The following TJP1 variants were observed in gnomAD, a reference collection of about 807,000 sequenced individuals.
TJP1 encodes tight junction protein 1, also known as tight junction protein ZO-1.
In TJP1, 43 loss-of-function variants were observed where a neutral mutation model predicts 194.2. That is an observed-to-expected ratio of 0.22 (90% CI 0.17 to 0.29). The LOEUF is 0.29. TJP1 is among the 10% of genes least tolerant of loss of function. The pLI, the probability that TJP1 is intolerant of heterozygous loss-of-function variation, is 1.00. For synonymous variants in TJP1, 801 were observed against 779.0 expected (o/e 1.03, Z -0.47); for missense variants, 1,971 against 2,185.7 (o/e 0.90, Z 1.96).
In TJP1 at chr15:29,704,203, T is replaced by C. The variant is rs1412165190; in HGVS notation, c.5171A>G (p.Asp1724Gly). The C allele has an allele frequency of 6.3e-7, 1 of 1,581,136 alleles. No individual in the cohort carries two copies. Among genetic ancestry groups the C allele is most frequent in the East Asian group, 2.3e-5 (1 of 43,938 alleles). Residue 1724 changes from aspartate to glycine, a missense_variant, in exon 27 of 28, where the codon GAC becomes GGC. Asp to Gly is a moderately conservative substitution (Grantham distance 94, BLOSUM62 -1). Transcript: ENST00000614355. Reference sequence around the variant, plus strand: ...TGATTTTAGAGCAAAAGACCAACCGTCAGGAGTCATGGACGCACAGTGTGG... The same window carrying C: ...TGATTTTAGAGCAAAAGACCAACCGCCAGGAGTCATGGACGCACAGTGTGG... ...RLPHCASMTP[D>G]GWSFALKSSD...
At position 29,726,370 on chromosome 15, in the gene TJP1, A is replaced by G. The variant is rs761572213; in HGVS notation, c.2412+9T>C. The G allele has an allele frequency of 6.2e-7, 1 of 1,611,658 alleles. No homozygotes were observed. The highest frequency in any genetic ancestry group is 8.5e-7 in the Non-Finnish European group (1 of 1,177,986). The stretch of plus-strand genomic sequence containing the variant: ...GAACAAGTCAAAAAAGTAATAGGAA[A>G]TGTCTTACCTTTCCCTCGGAAACCC... On this transcript the variant is annotated intron_variant, in intron 18 of 27. Transcript: ENST00000614355.
intron 1 of TJP1, among the ~76,000 whole-genome samples, chr15:29,959,583 C>G (rs1243053422): frequency 6.6e-6 from 1 of 152,170 alleles, no homozygotes; most frequent in Non-Finnish European, 1.5e-5. Flanking sequence ...GGCAGCTTCT[C>G]TTGCAAGTCA....
At chr15:29,719,340 G>A (rs2042788546) in intron 20 of TJP1, among the ~76,000 whole-genome samples, 1 of 152,104 alleles carries the variant, frequency 6.6e-6, no homozygotes, top group Admixed American at 6.5e-5. Flanking sequence ...GGGCTTTTAT[G>A]TTTCAGCATG....
intron 2 of TJP1, among the ~76,000 whole-genome samples, chr15:29,949,769 TCCA>T (rs1487877608): frequency 8.4e-3 from 323 of 38,328 alleles, no homozygotes; most frequent in Admixed American, 0.011. Flanking sequence ...CACCACTACC[TCCA>T]CCACCTCCAC....
At chr15:29,741,904 T>A (rs2044447917) in intron 9 of TJP1, among the ~76,000 whole-genome samples, 1 of 152,156 alleles carries the variant, frequency 6.6e-6, no homozygotes, top group African/African-American at 2.4e-5. Context: ...TTGCTGATTC[T>A]GTTTTGTCTT....
intron 24 of TJP1, among the ~76,000 whole-genome samples, chr15:29,710,538 A>T (rs1457646140): frequency 1.3e-5 from 2 of 152,204 alleles, no homozygotes; most frequent in Non-Finnish European, 2.9e-5. Context: ...TGTGAGATAA[A>T]ACATAGTAGG....
At chr15:29,961,490 CTTAATTCCATT>C (rs2056161784) in intron 1 of TJP1, among the ~76,000 whole-genome samples, 1 of 152,148 alleles carries the variant, frequency 6.6e-6, no homozygotes, top group Non-Finnish European at 1.5e-5. Flanking sequence ...TTTCCTAATT[CTTAATTCCATT>C]TTATCCTCCC....
At chr15:29,759,897 T>C (rs1161883045) in intron 8 of TJP1, 3 of 312,946 alleles carry the variant, frequency 9.6e-6, no homozygotes, top group Admixed American at 9.8e-5. Context: ...ATACCTTGGC[T>C]ATTGTGAATA....
At chr15:29,710,773 C>T (rs2042190942) in intron 24 of TJP1, 58 bp downstream of exon 24, 3 of 1,606,574 alleles carry the variant, frequency 1.9e-6, no homozygotes, top group Admixed American at 1.7e-5. Context: ...CTAGAAACCA[C>T]CAGAATTTTA....
chr15:29,700,312 A>G lies in TJP1; in HGVS notation c.*1283T>C. 1 of 398,994 alleles carries G rather than the reference A, an allele frequency of 2.5e-6. No homozygotes were observed. Among genetic ancestry groups the G allele is most frequent in the Non-Finnish European group, 4.4e-6 (1 of 226,042 alleles). 24.7% of individuals were successfully genotyped at this position (398,994 alleles called of 1,614,324 possible). ...TAATAAATTGTCTATTAGTAAAAAA[A>G]TACACTTTAGGGCACAGCATTGTAT... On this transcript the variant is annotated 3_prime_UTR_variant, in exon 28 of 28. Coordinates refer to ENST00000614355, the MANE Select transcript of TJP1 (RefSeq NM_001330239.4).
At chr15:29,802,755 A>C (rs951423700) in intron 1 of TJP1, among the ~76,000 whole-genome samples, 1 of 152,216 alleles carries the variant, frequency 6.6e-6, no homozygotes, top group African/African-American at 2.4e-5. Flanking sequence ...AAGAATGAGA[A>C]CTGCTTGCAT....
intron 1 of TJP1, among the ~76,000 whole-genome samples, chr15:29,816,150 C>G (rs1325250495): frequency 2.0e-5 from 3 of 152,056 alleles, no homozygotes; most frequent in African/African-American, 7.2e-5. Context: ...GCCTCAGCCT[C>G]CCAAGTAGCT....
intron 2 of TJP1, among the ~76,000 whole-genome samples, chr15:29,902,009 T>C (rs2053649704): frequency 1.3e-5 from 2 of 152,044 alleles, no homozygotes; most frequent in Admixed American, 1.3e-4. Flanking sequence ...TAGAATAATA[T>C]GAAAAAAGAA....
intron 2 of TJP1, among the ~76,000 whole-genome samples, chr15:29,884,509 G>A (rs1293517436): frequency 6.6e-6 from 1 of 152,152 alleles, no homozygotes; most frequent in Non-Finnish European, 1.5e-5. Flanking sequence ...AGATAGAGTA[G>A]CAGAGGTAGG....
intron 1 of TJP1, among the ~76,000 whole-genome samples, chr15:29,810,691 C>CA (rs911590432): frequency 3.9e-4 from 59 of 152,254 alleles, no homozygotes; most frequent in South Asian, 1.9e-3. Context: ...AAGGGGTACA[C>CA]AGAGTTTAAA....
chr15:29,753,707 G>C (rs1251511611), intron 8 of TJP1, among the ~76,000 whole-genome samples: 1 of 151,658 alleles, frequency 6.6e-6, no homozygotes, highest in African/African-American at 2.4e-5. Flanking sequence ...GTAAGGTACA[G>C]GAGCCATGGG....
intron 2 of TJP1, among the ~76,000 whole-genome samples, chr15:29,798,270 GTTTTTT>G (rs59427685): frequency 1.4e-5 from 2 of 144,744 alleles, no homozygotes; most frequent in African/African-American, 2.5e-5. Flanking sequence ...TGTGCCCAGC[GTTTTTT>G]TTTTTTTTTC....
chr15:29,836,760 G>T (rs186111543), intron 2 of TJP1, among the ~76,000 whole-genome samples: 58 of 152,284 alleles, frequency 3.8e-4, no homozygotes, highest in African/African-American at 1.3e-3. Flanking sequence ...TCATGAATGA[G>T]ATTACTGACC....
In TJP1 at chr15:29,766,251, G is replaced by A. The variant is rs755100072; in HGVS notation, c.589+15C>T. The A allele has an allele frequency of 6.2e-7, 1 of 1,603,092 alleles. No individual in the cohort carries two copies. Among genetic ancestry groups the A allele is most frequent in the Admixed American group, 1.7e-5 (1 of 57,406 alleles). ...TTTTCATGTGAAAAAAACAGCAAGA[G>A]TTGGCAGAGAATACCTTCATTTTTC... is the stretch of plus-strand genomic sequence containing the variant. On this transcript the variant is annotated intron_variant, in intron 5 of 27. Transcript: ENST00000614355.
Sources: allele counts gnomAD v4.1 joint callset (sites outside exome capture counted in the v4.1 genomes callset), GRCh38; gene constraint gnomAD v4.1.1; transcripts MANE v1.5; gene names NCBI Gene and HGNC (gene_info 2026-07-23, HGNC 2026-07-21).